The following RAMP1 variants were observed in gnomAD, a reference collection of about 807,000 sequenced individuals.
The protein encoded by RAMP1 is receptor activity modifying protein 1.
In RAMP1, 7 loss-of-function variants were observed where a neutral mutation model predicts 8.2. That is an observed-to-expected ratio of 0.85 (90% CI 0.49 to 1.60). RAMP1 has a LOEUF of 1.60. Ranked by LOEUF, RAMP1 falls within the 40% of genes most tolerant of loss-of-function variation. The pLI is 0.00. For synonymous variants in RAMP1, 92 were observed against 84.7 expected (o/e 1.09, Z -0.47); for missense variants, 192 against 202.4 (o/e 0.95, Z 0.31).
chr2:237,903,472 G>A (rs1207102399), intron 2 of RAMP1, among the ~76,000 whole-genome samples: 1 of 152,134 alleles, frequency 6.6e-6, no homozygotes, highest in Admixed American at 6.5e-5. Context: ...CCTGAGGATT[G>A]CTATGAGTGC....
chr2:237,910,426 T>C (rs1432377614), intron 2 of RAMP1, among the ~76,000 whole-genome samples: 1 of 146,806 alleles, frequency 6.8e-6, no homozygotes, highest in African/African-American at 2.6e-5. Flanking sequence ...CAGTCACACA[T>C]AGAATGTCAC....
upstream of RAMP1, chr2:237,859,546 G>T: frequency 2.0e-6 from 1 of 493,842 alleles, no homozygotes; most frequent in South Asian, 8.5e-5. Flanking sequence ...CGGGCCGCGC[G>T]GCCGCCGCCT....
Position 237,881,603 on chromosome 2 carries a change from G to C in RAMP1, c.191+4241G>C, listed in dbSNP as rs115408282. Among the ~76,000 whole-genome samples, 1,051 of 152,322 alleles carry C rather than the reference G, an allele frequency of 6.9e-3. 17 individuals carry two copies. Among genetic ancestry groups the C allele is most frequent in the African/African-American group, 0.024 (997 of 41,566 alleles). ...GACTGTGTTGTCGTCCATTAGAGTT[G>C]TTACTGTCTGATAAGTGAGAAGTGA... On this transcript the variant is annotated intron_variant, in intron 2 of 2. Coordinates refer to ENST00000254661, the MANE Select transcript of RAMP1 (RefSeq NM_005855.4).
At chr2:237,860,515 T>C (rs1360806297) in intron 1 of RAMP1, among the ~76,000 whole-genome samples, 2 of 152,184 alleles carry the variant, frequency 1.3e-5, no homozygotes, top group Non-Finnish European at 2.9e-5. Context: ...GCTGTTCACT[T>C]CCCTTGTCTG....
chr2:237,879,098 C>G (rs189059772), intron 2 of RAMP1, among the ~76,000 whole-genome samples: 56 of 152,346 alleles, frequency 3.7e-4, no homozygotes, highest in African/African-American at 1.3e-3. Flanking sequence ...ACAGCCTGTT[C>G]TTTAGGCTAA....
intron 2 of RAMP1, among the ~76,000 whole-genome samples, chr2:237,884,847 G>A (rs1198470378): frequency 3.3e-5 from 5 of 152,170 alleles, no homozygotes; most frequent in African/African-American, 4.8e-5. Context: ...CTGCCCTGCC[G>A]ACCCCATGCT....
At chr2:237,905,780 G>A (rs1202899956) in intron 2 of RAMP1, among the ~76,000 whole-genome samples, 2 of 152,162 alleles carry the variant, frequency 1.3e-5, no homozygotes, top group African/African-American at 4.8e-5. Flanking sequence ...GGAAGCCAAG[G>A]AGGGTAGATC....
At chr2:237,883,537 C>T (rs1236708705) in intron 2 of RAMP1, among the ~76,000 whole-genome samples, 2 of 152,166 alleles carry the variant, frequency 1.3e-5, no homozygotes, top group East Asian at 3.9e-4. Context: ...TCCTCATGGC[C>T]TGGTGCAGTG....
chr2:237,898,592 C>G (rs2062566694), intron 2 of RAMP1, among the ~76,000 whole-genome samples: 1 of 152,244 alleles, frequency 6.6e-6, no homozygotes, highest in Admixed American at 6.5e-5. Flanking sequence ...AAACAGTTAA[C>G]AAGACTTCCT....
chr2:237,881,632 C>A (rs2062369273), intron 2 of RAMP1, among the ~76,000 whole-genome samples: 1 of 152,242 alleles, frequency 6.6e-6, no homozygotes, highest in African/African-American at 2.4e-5. Context: ...GAAGTGATGT[C>A]TCAGCAGCAT....
At chr2:237,892,424 A>G (rs1016814822) in intron 2 of RAMP1, among the ~76,000 whole-genome samples, 1 of 151,506 alleles carries the variant, frequency 6.6e-6, no homozygotes, top group Non-Finnish European at 1.5e-5. Context: ...TCATCTGCCT[A>G]ATTGTTTCTA....
rs549240342 is a variant in RAMP1 at position 237,904,962 on chromosome 2, G to A, written c.192-6566G>A. On this transcript the variant is annotated intron_variant, in intron 2 of 2. Coordinates refer to ENST00000254661, the MANE Select transcript of RAMP1 (RefSeq NM_005855.4). Reference sequence around the variant, plus strand: ...AACCCAGGGTGTCCCCAGAGTAGATGACTCACCTGTGAGCATCAGTGATCA... The same window carrying A: ...AACCCAGGGTGTCCCCAGAGTAGATAACTCACCTGTGAGCATCAGTGATCA... Among the ~76,000 whole-genome samples, 6 of 152,206 alleles carry A rather than the reference G, an allele frequency of 3.9e-5. No individual in the cohort carries two copies. The East Asian group carries it at 9.7e-4, about 24-fold the overall frequency.
chr2:237,890,204 A>AT (rs566475813), intron 2 of RAMP1, among the ~76,000 whole-genome samples: 297 of 144,986 alleles, frequency 2.0e-3, no homozygotes, highest in Middle Eastern at 3.7e-3. Flanking sequence ...GTGGGAAATA[A>AT]TTTTTTTTTT....
intron 2 of RAMP1, among the ~76,000 whole-genome samples, chr2:237,894,520 G>A (rs558515714): frequency 8.1e-4 from 123 of 152,320 alleles, no homozygotes; most frequent in Non-Finnish European, 1.5e-3. Flanking sequence ...ACCTGGGGCA[G>A]CCAGGACCAC....
At chr2:237,867,484 G>A (rs1316847925) in intron 1 of RAMP1, among the ~76,000 whole-genome samples, 2 of 150,848 alleles carry the variant, frequency 1.3e-5, no homozygotes, top group Non-Finnish European at 3.0e-5. Context: ...TTGTATTTTT[G>A]TGGGGGTGGG....
chr2:237,893,193 C>T (rs746950849), intron 2 of RAMP1, among the ~76,000 whole-genome samples: 1 of 152,198 alleles, frequency 6.6e-6, no homozygotes, highest in Non-Finnish European at 1.5e-5. Context: ...GTTCCTGTAG[C>T]TGTTGTTCCA....
intron 1 of RAMP1, among the ~76,000 whole-genome samples, chr2:237,863,406 T>C (rs896065198): frequency 5.3e-5 from 8 of 152,164 alleles, no homozygotes; most frequent in Non-Finnish European, 7.4e-5. Context: ...GGGATGTCCT[T>C]GTCCCCAGTC....
intron 2 of RAMP1, among the ~76,000 whole-genome samples, chr2:237,899,496 C>T (rs74002608): frequency 0.041 from 6,206 of 152,218 alleles, 438 homozygotes; most frequent in African/African-American, 0.14. Flanking sequence ...ATTAAAATGA[C>T]GGTACATTTT....
rs2062331776 is a variant in RAMP1 at position 237,878,402 on chromosome 2, C to T, written c.191+1040C>T. 6.6e-6 allele frequency among the ~76,000 whole-genome samples: 1 copy of T among 152,218 alleles called. No homozygotes were observed. ...GTGTCCCCTGAGGGTCCAGACACAC[C>T]CGGGCACAATTCTGTGGGGTTGAAG... On this transcript the variant is annotated intron_variant, in intron 2 of 2. Coordinates refer to ENST00000254661, the MANE Select transcript of RAMP1 (RefSeq NM_005855.4). This position sits in a 1 kb window ranked among gnomAD's most constrained non-coding sequence, Gnocchi z 5.7.
Sources: allele counts gnomAD v4.1 joint callset (sites outside exome capture counted in the v4.1 genomes callset), GRCh38; gene constraint gnomAD v4.1.1; non-coding constraint Gnocchi (gnomAD v3.1); transcripts MANE v1.5; gene names NCBI Gene and HGNC (gene_info 2026-07-23, HGNC 2026-07-21).